Variants in AFF3 observed in about 807,000 individuals in gnomAD.
AFF3 encodes the protein ALF transcription elongation factor 3.
Under a neutral mutation model 129.7 loss-of-function variants are expected in AFF3, and 32 were observed. The observed-to-expected ratio is 0.25, with a 90% CI of 0.19 to 0.33. The LOEUF (loss-of-function observed/expected upper bound fraction) is 0.33. AFF3 is among the 10% of genes least tolerant of loss of function. The probability of loss-of-function intolerance (pLI) is 1.00; values close to 1 mark genes in which losing one functional copy is unlikely to be tolerated. For synonymous variants in AFF3, 644 were observed against 635.4 expected, an observed-to-expected ratio of 1.01 and a Z score of -0.20; for missense variants, 1,373 against 1,592.0, an observed-to-expected ratio of 0.86 and a Z score of 2.34.
intron 14 of AFF3, among the ~76,000 whole-genome samples, chr2:99,599,998 T>C (rs895000233): frequency 6.6e-6 from 1 of 152,204 alleles, no homozygotes; most frequent in Non-Finnish European, 1.5e-5. Flanking sequence ...GAATTCTGAA[T>C]GAGTAAATGA....
chr2:100,016,079 T>C (rs1240794134), intron 4 of AFF3, among the ~76,000 whole-genome samples: 1 of 151,386 alleles, frequency 6.6e-6, no homozygotes, highest in East Asian at 1.9e-4. Flanking sequence ...ACAGTGATGG[T>C]GATGGTGGTG....
At chr2:99,863,392 G>C (rs1250088047) in intron 7 of AFF3, among the ~76,000 whole-genome samples, 1 of 151,980 alleles carries the variant, frequency 6.6e-6, no homozygotes, top group African/African-American at 2.4e-5. Context: ...AATATCAACA[G>C]TTAGACTATT....
intron 11 of AFF3, among the ~76,000 whole-genome samples, chr2:99,704,891 C>T (rs1677208223): frequency 6.6e-6 from 1 of 152,090 alleles, no homozygotes; most frequent in African/African-American, 2.4e-5. Flanking sequence ...TGGCTAAGAG[C>T]TCCAGGAAGA....
At chr2:99,894,770 C>T (rs541592111) in intron 7 of AFF3, among the ~76,000 whole-genome samples, 36 of 152,188 alleles carry the variant, frequency 2.4e-4, no homozygotes, top group Non-Finnish European at 3.7e-4. Flanking sequence ...CCACTGCACC[C>T]GGCCAGGAAA....
chr2:100,120,171 C>T (rs17023512), intron 2 of AFF3, among the ~76,000 whole-genome samples: 18,793 of 152,122 alleles, frequency 0.12, 1,377 homozygotes, highest in Non-Finnish European at 0.15. Flanking sequence ...AAATGGAAGG[C>T]GACACACCTG....
chr2:99,975,037 T>A (rs1335883082), intron 7 of AFF3, among the ~76,000 whole-genome samples: 1 of 152,226 alleles, frequency 6.6e-6, no homozygotes, highest in Admixed American at 6.5e-5. Flanking sequence ...ATTTTCCACT[T>A]GAAATAACCA....
At chr2:99,554,226 C>A in intron 24 of AFF3, 85 bp downstream of exon 24, 1 of 1,416,044 alleles carries the variant, frequency 7.1e-7, no homozygotes, top group Non-Finnish European at 9.9e-7. Context: ...GTGTGAGTAT[C>A]CCAGCTACTC....
At chr2:99,751,030 A>G (rs1462366120) in intron 9 of AFF3, among the ~76,000 whole-genome samples, 1 of 152,262 alleles carries the variant, frequency 6.6e-6, no homozygotes, top group East Asian at 1.9e-4. Context: ...TCTTTGTGAT[A>G]ACAGCATGAA....
At chr2:99,840,032 A>ATTTTTTTTTTTTTTTTTT (rs1415280488) in intron 7 of AFF3, among the ~76,000 whole-genome samples, 3 of 152,132 alleles carry the variant, frequency 2.0e-5, no homozygotes, top group Non-Finnish European at 4.4e-5. Context: ...TTATTGTTTT[A>ATTTTTTTTTTTTTTTTTT]TTATAGGAGT....
At chr2:99,800,921 AGTGGGGTGT>A (rs1416076450) in intron 8 of AFF3, among the ~76,000 whole-genome samples, 1 of 152,142 alleles carries the variant, frequency 6.6e-6, no homozygotes, top group African/African-American at 2.4e-5. Flanking sequence ...CCTGGGGATG[AGTGGGGTGT>A]GTGGAGAAGG....
At chr2:100,048,375 G>A (rs1686009740) in intron 4 of AFF3, among the ~76,000 whole-genome samples, 1 of 152,114 alleles carries the variant, frequency 6.6e-6, no homozygotes, top group South Asian at 2.1e-4. Flanking sequence ...TTCATTATTA[G>A]GTTTATAGTG....
At chr2:100,140,818 C>T (rs4851252) in intron 1 of AFF3, among the ~76,000 whole-genome samples, 50,649 of 151,980 alleles carry the variant, frequency 0.33, 8,875 homozygotes, top group East Asian at 0.56. Flanking sequence ...TTCCTGCTCA[C>T]TACTTGTCTG....
chr2:99,803,093 A>G (rs181482060), intron 8 of AFF3, among the ~76,000 whole-genome samples: 1 of 152,182 alleles, frequency 6.6e-6, no homozygotes, highest in East Asian at 1.9e-4. Context: ...GGTTTGTCAT[A>G]TGTGGCTTTT....
chr2:99,661,724 CA>C (rs1686246191), intron 12 of AFF3, among the ~76,000 whole-genome samples: 1 of 152,156 alleles, frequency 6.6e-6, no homozygotes, highest in Non-Finnish European at 1.5e-5. Context: ...GAAAAAAAGG[CA>C]ATTACATGTT....
chr2:99,950,702 C>A (rs887357047), intron 7 of AFF3, among the ~76,000 whole-genome samples: 1 of 152,160 alleles, frequency 6.6e-6, no homozygotes, highest in African/African-American at 2.4e-5. Flanking sequence ...ATCCATTTAG[C>A]AAATATTTCA....
chr2:99,703,738 C>T (rs886551230), intron 11 of AFF3, among the ~76,000 whole-genome samples: 1 of 151,946 alleles, frequency 6.6e-6, no homozygotes, highest in South Asian at 2.1e-4. Flanking sequence ...CTCTGTCACC[C>T]AGGCTGGAGT....
At chr2:99,962,315 A>C (rs935528467) in intron 7 of AFF3, among the ~76,000 whole-genome samples, 3 of 152,210 alleles carry the variant, frequency 2.0e-5, no homozygotes, top group African/African-American at 7.2e-5. Context: ...CTGTGTGCTA[A>C]ATGTTAAAAT....
intron 13 of AFF3, among the ~76,000 whole-genome samples, chr2:99,631,958 T>C (rs1575554755): frequency 6.6e-6 from 1 of 151,828 alleles, no homozygotes. Context: ...ACCATTTTAG[T>C]TCCCATAAAA....
chr2:99,895,434 C>G (rs969665923), intron 7 of AFF3, among the ~76,000 whole-genome samples: 1 of 152,166 alleles, frequency 6.6e-6, no homozygotes, highest in East Asian at 1.9e-4. Flanking sequence ...AATTTAGATA[C>G]GCTGAAGTGC....
Sources: allele counts gnomAD v4.1 joint callset (sites outside exome capture counted in the v4.1 genomes callset), GRCh38; gene constraint gnomAD v4.1.1; transcripts MANE v1.5; gene names NCBI Gene and HGNC (gene_info 2026-07-23, HGNC 2026-07-21).